Variants in SAMTOR observed in about 807,000 individuals in gnomAD.
SAMTOR encodes the protein S-adenosylmethionine sensor upstream of mTORC1.
At chr7:112,923,481 T>A in the SAMTOR span, among the ~76,000 whole-genome samples, 32 of 149,880 alleles carry the variant, frequency 2.1e-4, no homozygotes, top group South Asian at 8.4e-4. Context: ...CAATAAAAAA[T>A]AAATAAATAA....
chr7:112,902,572 T>C, the SAMTOR span, among the ~76,000 whole-genome samples: 3 of 151,996 alleles, frequency 2.0e-5, no homozygotes, highest in South Asian at 6.2e-4. Flanking sequence ...ATTATACATT[T>C]TTCAAAAACC....
the SAMTOR span, chr7:112,939,408 CG>C: frequency 2.4e-6 from 2 of 844,004 alleles, no homozygotes; most frequent in South Asian, 1.8e-5. Context: ...GAAAAGGGGG[CG>C]GGGAGGAGCG....
chr7:112,862,177 C>T, the SAMTOR span, among the ~76,000 whole-genome samples: 4 of 152,140 alleles, frequency 2.6e-5, no homozygotes, highest in African/African-American at 4.8e-5. Context: ...ATTGTTTGAG[C>T]CCAGCAGGTG....
chr7:112,837,122 T>C, the SAMTOR span, among the ~76,000 whole-genome samples: 1 of 151,824 alleles, frequency 6.6e-6, no homozygotes, highest in African/African-American at 2.4e-5. Context: ...TCGAGCATTG[T>C]TTTGCAATTC....
At chr7:112,902,865 A>T in the SAMTOR span, among the ~76,000 whole-genome samples, 17 of 152,316 alleles carry the variant, frequency 1.1e-4, no homozygotes, top group African/African-American at 3.8e-4. Flanking sequence ...CCTTGGGATA[A>T]ATATATCATG....
At chr7:112,907,993 A>G in the SAMTOR span, among the ~76,000 whole-genome samples, 5 of 152,130 alleles carry the variant, frequency 3.3e-5, no homozygotes, top group African/African-American at 1.2e-4. Flanking sequence ...GGAATCTACA[A>G]ATATACAATG....
At chr7:112,882,268 A>G in the SAMTOR span, among the ~76,000 whole-genome samples, 1 of 152,206 alleles carries the variant, frequency 6.6e-6, no homozygotes, top group African/African-American at 2.4e-5. Context: ...GCACAAGCTG[A>G]TAACAACCTG....
At chr7:112,820,055 A>G in the SAMTOR span, 1 of 152,502 alleles carries the variant, frequency 6.6e-6, no homozygotes, top group Non-Finnish European at 1.5e-5. Flanking sequence ...TATGCTGTTG[A>G]AAGTAAATGA....
chr7:112,881,074 C>T, the SAMTOR span, among the ~76,000 whole-genome samples: 43 of 152,286 alleles, frequency 2.8e-4, no homozygotes, highest in African/African-American at 8.7e-4. Flanking sequence ...TCCACTGCCC[C>T]GCAGGCTCAG....
At chr7:112,876,263 A>C in the SAMTOR span, among the ~76,000 whole-genome samples, 1 of 151,852 alleles carries the variant, frequency 6.6e-6, no homozygotes, top group Non-Finnish European at 1.5e-5. Flanking sequence ...CCTGGACTGC[A>C]GTTGAGACTT....
At chr7:112,929,984 A>G in the SAMTOR span, among the ~76,000 whole-genome samples, 1 of 92,590 alleles carries the variant, frequency 1.1e-5, no homozygotes, top group Non-Finnish European at 3.1e-5. Flanking sequence ...AATTCTCTAA[A>G]AAAGCAAAAA....
chr7:112,937,586 A>G, the SAMTOR span, among the ~76,000 whole-genome samples: 1 of 151,662 alleles, frequency 6.6e-6, no homozygotes. Context: ...TGTCAGAAAT[A>G]AAGGTAGAAG....
chr7:112,939,291 T>C, the SAMTOR span: 6 of 464,128 alleles, frequency 1.3e-5, no homozygotes, highest in African/African-American at 4.0e-5. Flanking sequence ...TATGTGTTTG[T>C]GTGTGCCGAG....
the SAMTOR span, among the ~76,000 whole-genome samples, chr7:112,893,896 C>T: frequency 3.9e-5 from 6 of 152,080 alleles, no homozygotes; most frequent in Admixed American, 1.3e-4. Flanking sequence ...AGCGAGACTC[C>T]GTCTCAAAAA....
At chr7:112,912,042 T>C in the SAMTOR span, among the ~76,000 whole-genome samples, 1 of 150,180 alleles carries the variant, frequency 6.7e-6, no homozygotes, top group Non-Finnish European at 1.5e-5. Context: ...AATACATATA[T>C]ATATAAATTT....
chr7:112,894,747 G>C, the SAMTOR span, among the ~76,000 whole-genome samples: 2 of 152,144 alleles, frequency 1.3e-5, no homozygotes, highest in Non-Finnish European at 2.9e-5. Context: ...CACAACACAT[G>C]AGAATTATTG....
At chr7:112,850,374 G>A in the SAMTOR span, among the ~76,000 whole-genome samples, 1 of 152,220 alleles carries the variant, frequency 6.6e-6, no homozygotes, top group East Asian at 1.9e-4. Flanking sequence ...TTTTGTGTGT[G>A]TTCTTGCCTG....
chr7:112,917,356 G>A, the SAMTOR span, among the ~76,000 whole-genome samples: 1 of 152,206 alleles, frequency 6.6e-6, no homozygotes, highest in Non-Finnish European at 1.5e-5. Flanking sequence ...GTGGACCTCT[G>A]GCAAACTCCA....
chr7:112,874,048 A>G, the SAMTOR span, among the ~76,000 whole-genome samples: 1 of 152,110 alleles, frequency 6.6e-6, no homozygotes, highest in African/African-American at 2.4e-5. Flanking sequence ...AAGCCAAAAA[A>G]CAGATGTTGG....
Sources: allele counts gnomAD v4.1 joint callset (sites outside exome capture counted in the v4.1 genomes callset), GRCh38; gene constraint gnomAD v4.1.1; transcripts MANE v1.5; gene names NCBI Gene and HGNC (gene_info 2026-07-23, HGNC 2026-07-21).